The following ARHGEF17 variants were observed in gnomAD, a reference collection of about 807,000 sequenced individuals.
ARHGEF17 encodes the protein 164 kDa Rho-specific guanine-nucleotide exchange factor.
In ARHGEF17, 80 loss-of-function variants were observed where a neutral mutation model predicts 174.0. That is an observed-to-expected ratio of 0.46 (90% CI 0.38 to 0.55). The LOEUF (loss-of-function observed/expected upper bound fraction) is 0.55, where lower values mean the gene tolerates loss of function less well. Among genes scored for constraint, ARHGEF17 ranks in the 20% least tolerant of loss-of-function variants. ARHGEF17 has a pLI of 0.00. For synonymous variants in ARHGEF17, 1,311 were observed against 1,189.1 expected (o/e 1.10, Z -2.11); for missense variants, 2,886 against 2,839.7 (o/e 1.02, Z -0.37).
intron 18 of ARHGEF17, 119 bp downstream of exon 18, chr11:73,364,719 C>A: frequency 7.4e-7 from 1 of 1,345,726 alleles, no homozygotes; most frequent in Non-Finnish European, 9.9e-7. Flanking sequence ...GGGCCTTCCT[C>A]TGACCACAGA....
In ARHGEF17 at chr11:73,362,122, G is replaced by A. The variant is rs1275326151; in HGVS notation, c.4577G>A (p.Gly1526Asp). The change falls in exon 13 of 21, where the codon GGC (glycine) becomes GAC (aspartate). Residue 1526 changes from glycine to aspartate, a missense_variant. Physicochemically the swap from Gly to Asp is moderately conservative, Grantham distance 94. This residue lies in a region of ARHGEF17 where 476 missense variants were observed against 473.1 expected (regional missense o/e 1.01). Coordinates refer to ENST00000263674, the MANE Select transcript of ARHGEF17 (RefSeq NM_014786.4). ...GTCTGCAACAGCGACGGCTACGTGG[G>A]CCAGGTGTGCCTGCTGAGCCTGCGC... ...VWVCNSDGYV[G>D]QVCLLSLRAE... 1.2e-6 allele frequency: 2 copies of A among 1,611,966 alleles called. No individual in the cohort carries two copies. Among genetic ancestry groups the A allele is most frequent in the Non-Finnish European group, 1.7e-6 (2 of 1,179,768 alleles).
rs376001603 is a variant in ARHGEF17, at chr11:73,310,680, A to G, written c.2042A>G (p.His681Arg). 26 of 1,613,676 alleles carry G rather than the reference A, an allele frequency of 1.6e-5. No homozygotes were observed. Among genetic ancestry groups the G allele is most frequent in the Non-Finnish European group, 2.0e-5 (24 of 1,180,000 alleles). ...LSSSSAQTNH[H>R]GPGTEDSLGG... is the part of the protein sequence containing the mutation. ...TCATCCTCGGCCCAGACGAACCACC[A>G]TGGCCCTGGGACTGAGGACAGTCTG... The change falls in exon 1 of 21, where the codon CAT (histidine) becomes CGT (arginine). Residue 681 changes from histidine (H) to arginine (R), a missense_variant. This residue lies in a region of ARHGEF17 where 1,728 missense variants were observed against 1,461.2 expected (regional missense o/e 1.18). Transcript: ENST00000263674.
intron 1 of ARHGEF17, among the ~76,000 whole-genome samples, chr11:73,334,677 C>G (rs1865259583): frequency 1.3e-5 from 2 of 152,164 alleles, no homozygotes; most frequent in Admixed American, 1.3e-4. Context: ...TCCCAGGGTG[C>G]CTGGCCCACA....
chr11:73,365,173 T>C lies in ARHGEF17; in HGVS notation c.5551-217T>C. The C allele has an allele frequency of 1.7e-6, 1 of 589,790 alleles. No individual in the cohort carries two copies. Among genetic ancestry groups the C allele is most frequent in the Non-Finnish European group, 3.0e-6 (1 of 333,844 alleles). The allele number at this position is 589,790 out of a possible 1,614,324, so 36.5% of individuals were successfully genotyped here. On this transcript the variant is annotated intron_variant, in intron 18 of 20. Coordinates refer to ENST00000263674, the MANE Select transcript of ARHGEF17 (RefSeq NM_014786.4). This position sits in a 1 kb window ranked among gnomAD's most constrained non-coding sequence, Gnocchi z 4.9. ...TTAAGCATTGAAGTTCTCTGATCCT[T>C]AAATCACTCAAGTTTAATGGGGAAA...
In ARHGEF17 at chr11:73,362,696, G is replaced by T; in HGVS notation, c.4958G>T (p.Ser1653Ile). ...CCCAGCCCCTCGGGGACGCTGCAGAGCCAGGCCAGCCGGTCCACCATCTCC... is the reference window on the plus strand; with the variant it reads ...CCCAGCCCCTCGGGGACGCTGCAGATCCAGGCCAGCCGGTCCACCATCTCC... ...SSPSPSGTLQ[S>I]QASRSTISSS... The change falls in exon 14 of 21, where the codon AGC becomes ATC. Residue 1653 changes from serine (S) to isoleucine (I), a missense_variant. Physicochemically the swap from Ser to Ile is moderately radical, Grantham distance 142. Coordinates refer to ENST00000263674, the MANE Select transcript of ARHGEF17 (RefSeq NM_014786.4). 6.2e-7 allele frequency: 1 copy of T among 1,607,296 alleles called. No individual in the cohort carries two copies. Among genetic ancestry groups the T allele is most frequent in the Non-Finnish European group, 8.5e-7 (1 of 1,178,156 alleles).
chr11:73,345,932 G>A (rs774459294), intron 1 of ARHGEF17, among the ~76,000 whole-genome samples: 3 of 152,120 alleles, frequency 2.0e-5, no homozygotes, highest in Non-Finnish European at 2.9e-5. Context: ...TGGGGCTGGT[G>A]CTATCTGGGA....
intron 1 of ARHGEF17, among the ~76,000 whole-genome samples, chr11:73,344,795 G>C (rs1865433569): frequency 1.3e-5 from 2 of 152,256 alleles, no homozygotes; most frequent in South Asian, 4.1e-4. Context: ...TAAGGGCAGT[G>C]CTGGGGACCT....
rs777368975 is a variant in ARHGEF17, at chr11:73,365,960, A to C, written c.5995+13A>C. 3 of 1,592,164 alleles carry C rather than the reference A, an allele frequency of 1.9e-6. No homozygotes were observed. Among genetic ancestry groups the C allele is most frequent in the Non-Finnish European group, 1.7e-6 (2 of 1,172,642 alleles). On this transcript the variant is annotated intron_variant, in intron 20 of 20. Transcript: ENST00000263674. The surrounding 1 kb of genome is among the most constrained non-coding windows in gnomAD (Gnocchi z 4.9). ...CCCCCAGACACAGGTGGGTCAGTGC[A>C]TCATACCCCAAGCTAGGGATCATGG...
chr11:73,360,632 A>G, intron 11 of ARHGEF17, 99 bp downstream of exon 11: 1 of 1,311,734 alleles, frequency 7.6e-7, no homozygotes, highest in Non-Finnish European at 1.1e-6. Context: ...CCAGAACCGC[A>G]GTGCCCTGTG....
intron 2 of ARHGEF17, 118 bp from the exon 3 acceptor site, chr11:73,352,712 G>T (rs955369236): frequency 1.4e-5 from 15 of 1,073,228 alleles, no homozygotes; most frequent in Non-Finnish European, 1.9e-5. Context: ...GATGTGGAAG[G>T]CAGGGCGCTG....
intron 20 of ARHGEF17, 85 bp from the exon 21 acceptor site, chr11:73,367,499 T>C (rs1865859662): frequency 8.4e-7 from 1 of 1,196,628 alleles, no homozygotes; most frequent in Non-Finnish European, 1.2e-6. Flanking sequence ...CTTCCTATCT[T>C]CTGGGGTGTG....
rs1865629024 is a variant in ARHGEF17, at chr11:73,355,857, T to C, written c.3571-4T>C. The C allele has an allele frequency of 3.7e-6, 6 of 1,614,214 alleles. No individual in the cohort carries two copies. The highest frequency in any genetic ancestry group is 5.1e-6 in the Non-Finnish European group (6 of 1,180,036). The stretch of plus-strand genomic sequence containing the variant: ...CTCACATGATGCCCATCCATGGGTT[T>C]CAGCAAAGCATGCGTGAGAACAAGG... On this transcript the variant is annotated splice_polypyrimidine_tract_variant and splice_region_variant and intron_variant, in intron 4 of 20. Coordinates refer to ENST00000263674, the MANE Select transcript of ARHGEF17 (RefSeq NM_014786.4).
chr11:73,337,407 A>T (rs12806502), intron 1 of ARHGEF17, among the ~76,000 whole-genome samples: 1 of 132,492 alleles, frequency 7.5e-6, no homozygotes, highest in South Asian at 2.3e-4. Flanking sequence ...CTGTCTCAAG[A>T]AAAAAAAAAA....
rs149684035 is a variant in ARHGEF17, at chr11:73,311,777, C to T, written c.3139C>T (p.Arg1047Trp). Residue 1047 changes from arginine to tryptophan, a missense_variant, in exon 1 of 21, where the codon CGG (arginine) becomes TGG (tryptophan). By Grantham distance (101) the Arg-to-Trp change is moderately radical (BLOSUM62 -3). Around this residue, in one of 4 missense-constraint regions of ARHGEF17, gnomAD observed 1,728 missense variants for 1,461.2 expected, o/e 1.18. Coordinates refer to ENST00000263674, the MANE Select transcript of ARHGEF17 (RefSeq NM_014786.4). ...SAEAKPPEAA[R>W]PADEPTPASK... ...TGAGGCCAAGCCCCCTGAGGCAGCT[C>T]GGCCTGCAGATGAGCCTACCCCTGC... 10 of 1,611,862 alleles carry T rather than the reference C, an allele frequency of 6.2e-6. No individual in the cohort carries two copies. The highest frequency in any genetic ancestry group is 1.3e-5 in the African/African-American group (1 of 74,916).
chr11:73,346,875 C>A lies in ARHGEF17; in HGVS notation c.3193-8C>A. On this transcript the variant is annotated splice_region_variant and splice_polypyrimidine_tract_variant and intron_variant, in intron 1 of 20. Coordinates refer to ENST00000263674, the MANE Select transcript of ARHGEF17 (RefSeq NM_014786.4). The stretch of plus-strand genomic sequence containing the variant: ...ACCCCTGTTCACCCTCTGCTCCTGT[C>A]CCCACAGGACATGCGGAAGCACGTG... 1 of 1,478,336 alleles carries A rather than the reference C, an allele frequency of 6.8e-7. No homozygotes were observed. Among genetic ancestry groups the A allele is most frequent in the Non-Finnish European group, 9.0e-7 (1 of 1,110,214 alleles). 91.6% of individuals were successfully genotyped at this position (1,478,336 alleles called of 1,614,324 possible).
intron 16 of ARHGEF17, 99 bp from the exon 17 acceptor site, chr11:73,364,073 C>T (rs1865795927): frequency 7.6e-7 from 1 of 1,313,702 alleles, no homozygotes; most frequent in East Asian, 2.3e-5. Flanking sequence ...GAGGTGGCCT[C>T]TCGGGAGCCA....
intron 14 of ARHGEF17, 132 bp downstream of exon 14, chr11:73,362,866 G>A: frequency 8.5e-7 from 1 of 1,170,366 alleles, no homozygotes; most frequent in Non-Finnish European, 1.2e-6. Context: ...ACAGAGCAAT[G>A]AGGGCAGGGG....
Position 73,309,554 on chromosome 11 carries a change from T to A in ARHGEF17, c.916T>A (p.Cys306Ser), listed in dbSNP as rs1864769522. Residue 306 changes from cysteine (C) to serine (S), a missense_variant, in exon 1 of 21, where the codon TGC becomes AGC. Transcript: ENST00000263674. ...TGGAAGCTCCCTATTGGATCAGGACTGCAGGCCTGACAGTGATGGGTTAAA... is the reference window on the plus strand; with the variant it reads ...TGGAAGCTCCCTATTGGATCAGGACAGCAGGCCTGACAGTGATGGGTTAAA... ...RPGSSLLDQD[C>S]RPDSDGLNLS... 6.2e-7 allele frequency: 1 copy of A among 1,605,032 alleles called. No individual in the cohort carries two copies. The highest frequency in any genetic ancestry group is 8.5e-7 in the Non-Finnish European group (1 of 1,173,790).
At position 73,357,086 on chromosome 11, in the gene ARHGEF17, C is replaced by T; in HGVS notation, c.3953C>T (p.Thr1318Ile). Residue 1318 changes from threonine to isoleucine, a missense_variant, in exon 8 of 21, where the codon ACC becomes ATC. Physicochemically the swap from Thr to Ile is moderately conservative, Grantham distance 89. Coordinates refer to ENST00000263674, the MANE Select transcript of ARHGEF17 (RefSeq NM_014786.4). ...CTGTTCACGGACCTCATCGTCTGCACCACTCTGAAGCGAAAGTCAGGCTCC... is the reference window on the plus strand; with the variant it reads ...CTGTTCACGGACCTCATCGTCTGCATCACTCTGAAGCGAAAGTCAGGCTCC... ...LFLFTDLIVC[T>I]TLKRKSGSLR... 6.2e-7 allele frequency: 1 copy of T among 1,614,216 alleles called. No homozygotes were observed. The highest frequency in any genetic ancestry group is 8.5e-7 in the Non-Finnish European group (1 of 1,180,040).
Sources: gnomAD v4.1 joint callset for allele counts (sites outside exome capture counted in the v4.1 genomes callset) on GRCh38, gnomAD v4.1.1 for gene constraint, gnomAD v4.1.1 regional missense constraint, Gnocchi (gnomAD v3.1) non-coding constraint, MANE v1.5 for transcripts, NCBI Gene and HGNC (gene_info 2026-07-23, HGNC 2026-07-21) for gene names.